Variants in CSMD2 observed in about 807,000 individuals in gnomAD.
CSMD2 encodes CUB and Sushi multiple domains 2.
CSMD2 carries 130 observed loss-of-function variants against 398.5 expected under a neutral mutation model. The ratio of observed to expected loss-of-function variants is 0.33; its 90% CI spans 0.28 to 0.38. The LOEUF (loss-of-function observed/expected upper bound fraction) is 0.38, where lower values mean the gene tolerates loss of function less well. Among genes scored for constraint, CSMD2 ranks in the 10% least tolerant of loss-of-function variants. CSMD2 has a pLI of 1.00. For synonymous variants in CSMD2, 1,828 were observed against 1,908.5 expected (o/e 0.96, Z 1.10); for missense variants, 3,829 against 4,764.9 (o/e 0.80, Z 5.78).
intron 15 of CSMD2, among the ~76,000 whole-genome samples, chr1:33,727,470 C>T (rs758178389): frequency 6.6e-6 from 1 of 152,216 alleles, no homozygotes; most frequent in Non-Finnish European, 1.5e-5. Flanking sequence ...GTCATTAGAG[C>T]TATTCCTCTT....
chr1:33,810,932 TC>T, intron 9 of CSMD2, 68 bp from the exon 10 acceptor site: 1 of 1,560,934 alleles, frequency 6.4e-7, no homozygotes, highest in Non-Finnish European at 8.7e-7. Flanking sequence ...TGCCTCCCAC[TC>T]CCCACCCAGA....
intron 39 of CSMD2, among the ~76,000 whole-genome samples, chr1:33,615,255 G>A (rs1356450445): frequency 2.0e-5 from 3 of 152,196 alleles, no homozygotes; most frequent in Admixed American, 6.5e-5. Context: ...TGAATTCAGA[G>A]TCATCTGAGG....
At chr1:33,954,214 G>A (rs1346918730) in intron 3 of CSMD2, among the ~76,000 whole-genome samples, 2 of 152,070 alleles carry the variant, frequency 1.3e-5, no homozygotes, top group African/African-American at 2.4e-5. Context: ...ATGAGGAAAC[G>A]AAGACCGCAG....
chr1:33,985,696 C>A (rs945660300), intron 3 of CSMD2, among the ~76,000 whole-genome samples: 17 of 152,132 alleles, frequency 1.1e-4, no homozygotes, highest in Admixed American at 5.9e-4. Flanking sequence ...TGTGAAAGTC[C>A]CTGCTCCCCA....
intron 2 of CSMD2, among the ~76,000 whole-genome samples, chr1:34,073,890 G>A (rs992126514): frequency 6.6e-6 from 1 of 152,238 alleles, no homozygotes; most frequent in African/African-American, 2.4e-5. Flanking sequence ...GCATGATGCT[G>A]GCATTTGCCT....
At chr1:33,717,141 G>C (rs1646198947) in intron 19 of CSMD2, among the ~76,000 whole-genome samples, 1 of 152,086 alleles carries the variant, frequency 6.6e-6, no homozygotes, top group Admixed American at 6.5e-5. Context: ...TCAATTCCAG[G>C]TTTGTTGAGC....
At chr1:33,992,777 T>C (rs1646599923) in intron 3 of CSMD2, among the ~76,000 whole-genome samples, 1 of 149,762 alleles carries the variant, frequency 6.7e-6, no homozygotes, top group Non-Finnish European at 1.5e-5. Flanking sequence ...CTCAGGAGGC[T>C]GAGGCAGGAG....
At chr1:33,932,361 G>A (rs1041785322) in intron 4 of CSMD2, among the ~76,000 whole-genome samples, 4 of 152,130 alleles carry the variant, frequency 2.6e-5, no homozygotes, top group African/African-American at 7.2e-5. Context: ...AGAAGAGGCC[G>A]AGCTGGGCCC....
chr1:33,759,583 C>A (rs1160684969), intron 13 of CSMD2, among the ~76,000 whole-genome samples: 3 of 151,954 alleles, frequency 2.0e-5, no homozygotes, highest in Admixed American at 6.6e-5. Flanking sequence ...CCTTGGCCTC[C>A]CAAAGTGCTG....
chr1:33,888,163 T>C (rs1641725279), intron 5 of CSMD2, among the ~76,000 whole-genome samples: 1 of 148,662 alleles, frequency 6.7e-6, no homozygotes, highest in Admixed American at 6.6e-5. Flanking sequence ...TAGGAATATT[T>C]ACTGTAAAAA....
chr1:33,900,123 G>A (rs1453367999), intron 5 of CSMD2, among the ~76,000 whole-genome samples: 1 of 152,224 alleles, frequency 6.6e-6, no homozygotes, highest in Non-Finnish European at 1.5e-5. Context: ...GCAGAAGAAG[G>A]ACACAAGCTG....
chr1:33,839,058 A>G, intron 6 of CSMD2: 1 of 152,284 alleles, frequency 6.6e-6, no homozygotes, highest in Admixed American at 6.5e-5. Context: ...ACAAATCAGC[A>G]ATATCATTTC....
At position 33,635,182 on chromosome 1, in the gene CSMD2, A is replaced by G. The variant is rs775515958; in HGVS notation, c.5086+32T>C. On this transcript the variant is annotated intron_variant, in intron 31 of 70. Transcript: ENST00000373381. The surrounding 1 kb of genome is among the most constrained non-coding windows in gnomAD (Gnocchi z 5.0). ...TTGGAATGAGGGTGAGGAGTCAGAA[A>G]ACATATGAACAACAACAACCAAAAC... is the stretch of plus-strand genomic sequence containing the variant. The G allele has an allele frequency of 7.2e-7, 1 of 1,394,804 alleles. No individual in the cohort carries two copies. Among genetic ancestry groups the G allele is most frequent in the South Asian group, 1.2e-5 (1 of 84,582 alleles). The allele number at this position is 1,394,804 out of a possible 1,614,324, so 86.4% of individuals were successfully genotyped here.
At position 33,828,769 on chromosome 1, in the gene CSMD2, A is replaced by G. The variant is rs190484586; in HGVS notation, c.1034-2995T>C. 7.9e-5 allele frequency among the ~76,000 whole-genome samples: 12 copies of G among 152,234 alleles called. No individual in the cohort carries two copies. In the East Asian group the frequency reaches 2.3e-3, roughly 29 times the overall value. ...AAGAATCCTTCTGATTTCTGTGTCCACCCTCTCCACTCATTCCTCCGCAAG... is the reference window on the plus strand; with the variant it reads ...AAGAATCCTTCTGATTTCTGTGTCCGCCCTCTCCACTCATTCCTCCGCAAG... On this transcript the variant is annotated intron_variant, in intron 6 of 70. Coordinates refer to ENST00000373381, the MANE Select transcript of CSMD2 (RefSeq NM_001281956.2).
chr1:34,074,708 T>C (rs896301374), intron 2 of CSMD2, among the ~76,000 whole-genome samples: 3 of 151,528 alleles, frequency 2.0e-5, no homozygotes, highest in Non-Finnish European at 4.4e-5. Context: ...GTGGGGTAGA[T>C]GGGCATAAAT....
intron 11 of CSMD2, among the ~76,000 whole-genome samples, chr1:33,790,040 G>A (rs552090614): frequency 2.0e-5 from 3 of 152,130 alleles, no homozygotes; most frequent in African/African-American, 7.2e-5. Context: ...GCTATTCTAA[G>A]GTTCTCTCTA....
intron 3 of CSMD2, among the ~76,000 whole-genome samples, chr1:34,020,775 G>T (rs988402405): frequency 6.6e-6 from 1 of 152,148 alleles, no homozygotes; most frequent in Admixed American, 6.5e-5. Context: ...TCACGAGGTG[G>T]TTATGTGTCG....
chr1:33,768,740 G>C (rs185172241), intron 13 of CSMD2, among the ~76,000 whole-genome samples: 44 of 152,180 alleles, frequency 2.9e-4, no homozygotes, highest in Admixed American at 2.3e-3. Context: ...CTCAAGTCTT[G>C]TATCTTCTGG....
chr1:33,709,055 A>C (rs1249294822), intron 22 of CSMD2, 34 bp downstream of exon 22: 7 of 1,571,704 alleles, frequency 4.5e-6, no homozygotes, highest in Non-Finnish European at 2.6e-6. Flanking sequence ...ATTGCATACT[A>C]TAACACACAT....
Sources: gnomAD v4.1 joint callset for allele counts (sites outside exome capture counted in the v4.1 genomes callset) on GRCh38, gnomAD v4.1.1 for gene constraint, Gnocchi (gnomAD v3.1) non-coding constraint, MANE v1.5 for transcripts, NCBI Gene and HGNC (gene_info 2026-07-23, HGNC 2026-07-21) for gene names.